Variants in TSBP1 observed in about 807,000 individuals in gnomAD.
The protein encoded by TSBP1 is testis-expressed basic protein 1.
TSBP1 carries 56 observed loss-of-function variants against 68.8 expected under a neutral mutation model. The observed-to-expected ratio is 0.81, with a 90% CI of 0.66 to 1.02. The LOEUF (loss-of-function observed/expected upper bound fraction) is 1.02, where lower values mean the gene tolerates loss of function less well. Among genes scored for constraint, TSBP1 ranks in the 50% least tolerant of loss-of-function variants. TSBP1 has a pLI of 0.00. For synonymous variants in TSBP1, 171 were observed against 208.7 expected (o/e 0.82, Z 1.56); for missense variants, 502 against 641.2 (o/e 0.78, Z 2.34).
rs1766693844 is a variant in TSBP1, at chr6:32,314,042, C to T, written c.580+1730G>A. Among the ~76,000 whole-genome samples the T allele has an allele frequency of 7.0e-6, 1 of 143,486 alleles. No individual in the cohort carries two copies. The allele number at this position is 143,486 out of a possible 152,430, so 94.1% of individuals were successfully genotyped here. A position where few individuals can be genotyped will look rare whatever the true frequency, so the allele number is the denominator to read the frequency against. On this transcript the variant is annotated intron_variant, in intron 19 of 22. Transcript: ENST00000612031. The surrounding 1 kb of genome is among the most constrained non-coding windows in gnomAD (Gnocchi z 4.2). The stretch of plus-strand genomic sequence containing the variant: ...CTTTGTTCCTGAGGCAAAGCTGCTA[C>T]CTCTGTTTCCTCATCCCCTCACCAT...
Position 32,316,428 on chromosome 6 carries a change from A to T in TSBP1, c.560-636T>A. The T allele has an allele frequency of 6.4e-7, 1 of 1,551,294 alleles. No individual in the cohort carries two copies. The highest frequency in any genetic ancestry group is 1.2e-5 in the South Asian group (1 of 84,106). ...CTGCCAGCTGACCTAAAAAAATTAGATATCAGTGAAGATTTGTTTGAAAGG... is the reference window on the plus strand; with the variant it reads ...CTGCCAGCTGACCTAAAAAAATTAGTTATCAGTGAAGATTTGTTTGAAAGG... On this transcript the variant is annotated intron_variant, in intron 18 of 22. Transcript: ENST00000612031. The surrounding 1 kb of genome is among the most constrained non-coding windows in gnomAD (Gnocchi z 4.5).
chr6:32,349,446 CATCTT>C (rs112022828), intron 9 of TSBP1: 41,645 of 309,156 alleles, frequency 0.13, 3,330 homozygotes, highest in Non-Finnish European at 0.17. Context: ...TCTTCATCCT[CATCTT>C]ATTTTTCTTA....
At chr6:32,311,090 A>AC (rs34606527) in intron 19 of TSBP1, among the ~76,000 whole-genome samples, 8 of 150,470 alleles carry the variant, frequency 5.3e-5, no homozygotes, top group East Asian at 2.0e-4. Flanking sequence ...GTGCTGCGAG[A>AC]CCCCCCCTTT....
At chr6:32,350,577 C>T (rs936088879) in intron 8 of TSBP1, among the ~76,000 whole-genome samples, 3 of 152,176 alleles carry the variant, frequency 2.0e-5, no homozygotes, top group African/African-American at 7.2e-5. Context: ...GAGGCTTAAA[C>T]ACCTGATCAC....
At chr6:32,355,929 A>G (rs995910489) in intron 6 of TSBP1, among the ~76,000 whole-genome samples, 15 of 152,242 alleles carry the variant, frequency 9.9e-5, no homozygotes, top group Admixed American at 5.9e-4. Context: ...ATGTATAGTT[A>G]TAAGGTAAGT....
chr6:32,319,933 T>G (rs1450830484), intron 18 of TSBP1, among the ~76,000 whole-genome samples: 1 of 150,846 alleles, frequency 6.6e-6, no homozygotes, highest in African/African-American at 2.5e-5. Context: ...GACTTTTTCT[T>G]TTTTTTCCTT....
chr6:32,313,531 T>G lies in TSBP1; in HGVS notation c.580+2241A>C, dbSNP rs182087255. ...TCTTCTTCAGATTGCTCTAGTTATA[T>G]TTCTCTGGGTTGGAATTCTCCAATT... On this transcript the variant is annotated intron_variant, in intron 19 of 22. Coordinates refer to ENST00000612031, the Ensembl canonical transcript of TSBP1. Among the ~76,000 whole-genome samples, 1,009 of 152,330 alleles carry G rather than the reference T, an allele frequency of 6.6e-3. 16 individuals carry two copies. Among genetic ancestry groups the G allele is most frequent in the East Asian group, 0.02 (103 of 5,188 alleles).
rs541932448 is a variant in TSBP1, at chr6:32,364,089, A to G, written c.217+2078T>C. On this transcript the variant is annotated intron_variant, in intron 6 of 22. Coordinates refer to ENST00000612031, the Ensembl canonical transcript of TSBP1. ...GTACTGGCCTAGAAAATGTCTGCAT[A>G]GAAGTGCTAATATCCTTTTGATGTA... Among the ~76,000 whole-genome samples, 4 of 152,322 alleles carry G rather than the reference A, an allele frequency of 2.6e-5. No individual in the cohort carries two copies. In the East Asian group the frequency reaches 7.7e-4, roughly 29 times the overall value.
rs1448615498 is a variant in TSBP1, at chr6:32,325,909, T to C, written c.515-2295A>G. ...TGGTTGTGGTGGCTTTGGTGGCAGC[T>C]GTGGTGGTGGTGGATATGGTGGCAG... On this transcript the variant is annotated intron_variant, in intron 16 of 22. Coordinates refer to ENST00000612031, the Ensembl canonical transcript of TSBP1. The surrounding 1 kb of genome is among the most constrained non-coding windows in gnomAD (Gnocchi z 4.4). 5.2e-6 allele frequency: 8 copies of C among 1,549,838 alleles called. No homozygotes were observed. The highest frequency in any genetic ancestry group is 7.0e-6 in the Non-Finnish European group (8 of 1,136,794).
chr6:32,348,432 G>C (rs114901188), intron 9 of TSBP1, among the ~76,000 whole-genome samples: 2 of 130,300 alleles, frequency 1.5e-5, no homozygotes, highest in African/African-American at 5.1e-5. Flanking sequence ...ATGGGATAAG[G>C]TTATGGCACA....
At chr6:32,369,846 T>C (rs778587442) in intron 2 of TSBP1, 51 bp downstream of exon 2, 1 of 1,101,108 alleles carries the variant, frequency 9.1e-7, no homozygotes, top group Non-Finnish European at 1.4e-6. Flanking sequence ...TTGGCATCCC[T>C]CCCTCCGTGG....
intron 6 of TSBP1, among the ~76,000 whole-genome samples, chr6:32,362,588 A>G (rs1583175313): frequency 1.3e-5 from 2 of 152,336 alleles, no homozygotes; most frequent in South Asian, 4.1e-4. Context: ...ATTTTCTCCT[A>G]TTCTGTGAGT....
chr6:32,331,288 C>T (rs537734232), intron 15 of TSBP1, among the ~76,000 whole-genome samples: 33 of 152,230 alleles, frequency 2.2e-4, no homozygotes, highest in Admixed American at 3.9e-4. Flanking sequence ...ATATTCTTTT[C>T]CAGATTCGAT....
intron 22 of TSBP1, among the ~76,000 whole-genome samples, chr6:32,296,123 C>T (rs6931789): frequency 0.046 from 7,009 of 152,056 alleles, 362 homozygotes; most frequent in African/African-American, 0.13. Context: ...GGATTACAGG[C>T]GTGAGCCACC....
In TSBP1 at chr6:32,316,282, A is replaced by G; in HGVS notation, c.560-490T>C. On this transcript the variant is annotated intron_variant, in intron 18 of 22. Transcript: ENST00000612031. This position sits in a 1 kb window ranked among gnomAD's most constrained non-coding sequence, Gnocchi z 4.5. The stretch of plus-strand genomic sequence containing the variant: ...AAAAAGATTCTCTGTAATATAGACC[A>G]TGTAGGGTAATAAGGAAGCAAGGGA... 1.3e-6 allele frequency: 1 copy of G among 798,066 alleles called. No homozygotes were observed. Among genetic ancestry groups the G allele is most frequent in the Non-Finnish European group, 2.0e-6 (1 of 489,228 alleles). 49.4% of individuals were successfully genotyped at this position (798,066 alleles called of 1,614,324 possible).
chr6:32,347,730 A>C (rs3117127), intron 9 of TSBP1, among the ~76,000 whole-genome samples: 115,072 of 151,764 alleles, frequency 0.76, 43,803 homozygotes, highest in South Asian at 0.86. Flanking sequence ...TGTAATCTGG[A>C]CTCTCCCTAC....
At chr6:32,362,985 G>A (rs749143215) in intron 6 of TSBP1, among the ~76,000 whole-genome samples, 16 of 152,114 alleles carry the variant, frequency 1.1e-4, no homozygotes, top group Middle Eastern at 3.4e-3. Context: ...ACTGAAGTCC[G>A]CTACGGTTAT....
At chr6:32,355,698 T>C in intron 6 of TSBP1, 29 bp from the exon 7 acceptor site, 1 of 1,578,330 alleles carries the variant, frequency 6.3e-7, no homozygotes, top group Admixed American at 1.7e-5. Flanking sequence ...GAAAGAAAAA[T>C]CAATTTGGAT....
At chr6:32,370,524 C>T (rs1395938053) in intron 1 of TSBP1, among the ~76,000 whole-genome samples, 2 of 150,376 alleles carry the variant, frequency 1.3e-5, no homozygotes, top group African/African-American at 4.9e-5. Context: ...GATCAAAAAA[C>T]TTTCAGCACC....
Sources: gnomAD v4.1 joint callset for allele counts (sites outside exome capture counted in the v4.1 genomes callset) on GRCh38, gnomAD v4.1.1 for gene constraint, Gnocchi (gnomAD v3.1) non-coding constraint, MANE v1.5 for transcripts, NCBI Gene and HGNC (gene_info 2026-07-23, HGNC 2026-07-21) for gene names.